The following FKRP variants were observed in gnomAD, a reference collection of about 807,000 sequenced individuals.
FKRP encodes the protein fukutin related protein.
A neutral mutation model predicts 30.6 loss-of-function variants in FKRP; 25 were observed. That is an observed-to-expected ratio of 0.82 (90% CI 0.60 to 1.14). FKRP has a LOEUF of 1.14. Ranked by LOEUF, FKRP falls within the 50% of genes most tolerant of loss-of-function variation. FKRP has a pLI of 0.00. For missense variants in FKRP, 771 were observed against 727.8 expected (o/e 1.06, Z -0.68); for synonymous variants, 358 against 342.5 (o/e 1.05, Z -0.50).
chr19:46,756,419 C>A lies in FKRP; in HGVS notation c.969C>A (p.Arg323=), dbSNP rs532054402. ...WTPPCCLRAL[R]ETARYVVGVL... ...CCCCCTGCTGCCTGCGCGCGCTGCGCGAGACCGCCCGCTATGTGGTGGGCG... is the reference window on the plus strand; with the variant it reads ...CCCCCTGCTGCCTGCGCGCGCTGCGAGAGACCGCCCGCTATGTGGTGGGCG... The change falls in exon 4 of 4, where the codon CGC becomes CGA. Residue 323 remains arginine (R), a synonymous_variant. Coordinates refer to ENST00000318584, the MANE Select transcript of FKRP (RefSeq NM_024301.5). The surrounding 1 kb of genome is among the most constrained non-coding windows in gnomAD (Gnocchi z 6.6). The A allele has an allele frequency of 2.5e-6, 4 of 1,577,266 alleles. No homozygotes were observed. In the Admixed American group the frequency reaches 5.6e-5, roughly 22 times the overall value.
At chr19:46,746,557 G>A (rs1482807402) in intron 1 of FKRP, 1 of 419,008 alleles carries the variant, frequency 2.4e-6, no homozygotes, top group Middle Eastern at 1.2e-3. Context: ...AGGAAGGGGG[G>A]CCGGCGGCGA....
At position 46,756,656 on chromosome 19, in the gene FKRP, T is replaced by C; in HGVS notation, c.1206T>C (p.Phe402=). The C allele has an allele frequency of 6.2e-7, 1 of 1,613,548 alleles. No individual in the cohort carries two copies. Among genetic ancestry groups the C allele is most frequent in the Non-Finnish European group, 8.5e-7 (1 of 1,179,856 alleles). ...FVWEKAVEGD[F]FRVQYSESNH... ...GGGAGAAGGCGGTCGAGGGCGACTT[T>C]TTCCGCGTGCAGTACAGCGAAAGCA... is the stretch of plus-strand genomic sequence containing the variant. The change falls in exon 4 of 4, where the codon TTT becomes TTC. Residue 402 remains phenylalanine, a synonymous_variant. Coordinates refer to ENST00000318584, the MANE Select transcript of FKRP (RefSeq NM_024301.5). The surrounding 1 kb of genome is among the most constrained non-coding windows in gnomAD (Gnocchi z 6.6).
In FKRP at chr19:46,758,573, A is replaced by G. The variant is rs2054970015; in HGVS notation, c.*1635A>G. ...GTGTGAGCACCCAGCATTCAAGACC[A>G]CGGGTTAAAAAAAAAAAAAAAAAGC... On this transcript the variant is annotated 3_prime_UTR_variant, in exon 4 of 4. Coordinates refer to ENST00000318584, the MANE Select transcript of FKRP (RefSeq NM_024301.5). 6.1e-6 allele frequency: 1 copy of G among 163,482 alleles called. No individual in the cohort carries two copies. 10.1% of individuals were successfully genotyped at this position (163,482 alleles called of 1,614,324 possible). A position where few individuals can be genotyped will look rare whatever the true frequency, so the allele number is the denominator to read the frequency against.
Position 46,757,142 on chromosome 19 carries a change from A to G in FKRP, c.*204A>G. On this transcript the variant is annotated 3_prime_UTR_variant, in exon 4 of 4. Coordinates refer to ENST00000318584, the MANE Select transcript of FKRP (RefSeq NM_024301.5). ...AGGATGGGAAGCGACCTCCAGATTT[A>G]TCAAATGGTCATGCCCACTGGGAGC... The G allele has an allele frequency of 1.4e-5, 10 of 698,824 alleles. No individual in the cohort carries two copies. In the South Asian group the frequency reaches 1.8e-4, roughly 12 times the overall value. The allele number at this position is 698,824 out of a possible 1,614,324, so 43.3% of individuals were successfully genotyped here.
Position 46,756,637 on chromosome 19 carries a change from A to C in FKRP, c.1187A>C (p.Lys396Thr), listed in dbSNP as rs2122633035. The C allele has an allele frequency of 6.2e-7, 1 of 1,613,298 alleles. No individual in the cohort carries two copies. Among genetic ancestry groups the C allele is most frequent in the Admixed American group, 1.7e-5 (1 of 59,894 alleles). The change falls in exon 4 of 4, where the codon AAG (lysine) becomes ACG (threonine). Residue 396 changes from lysine (K) to threonine (T), a missense_variant. Physicochemically the swap from Lys to Thr is moderately conservative, Grantham distance 78. Transcript: ENST00000318584. This position sits in a 1 kb window ranked among gnomAD's most constrained non-coding sequence, Gnocchi z 6.6. ...GATGAGCGCGGCTTCGTATGGGAGA[A>C]GGCGGTCGAGGGCGACTTTTTCCGC... The part of the protein sequence containing the change: ...VVDERGFVWE[K>T]AVEGDFFRVQ...
chr19:46,755,654 C>A lies in FKRP; in HGVS notation c.204C>A (p.Asp68Glu). The change falls in exon 4 of 4, where the codon GAC (aspartate) becomes GAA (glutamate). Residue 68 changes from aspartate to glutamate, a missense_variant. Transcript: ENST00000318584. ...ACAACGCGGTGCCCGAGCTGGTAGA[C>A]TCCTTCCTGCAGCAAGACCCAGCCC... ...AFDNAVPELV[D>E]SFLQQDPAQP... The A allele has an allele frequency of 6.3e-7, 1 of 1,597,476 alleles. No individual in the cohort carries two copies. The highest frequency in any genetic ancestry group is 2.2e-5 in the East Asian group (1 of 44,540).
intron 3 of FKRP, among the ~76,000 whole-genome samples, chr19:46,755,208 T>G (rs1420031770): frequency 2.0e-5 from 3 of 150,600 alleles, no homozygotes; most frequent in African/African-American, 7.3e-5. Context: ...AAAAAAAAAA[T>G]TCTGAGGACA....
At chr19:46,754,453 GC>G (rs766576604) in intron 3 of FKRP, 1 of 143,880 alleles carries the variant, frequency 7.0e-6, no homozygotes, top group Non-Finnish European at 1.5e-5. Context: ...GTGCAACGGT[GC>G]CATCTCGGCT....
rs1457334108 is a variant in FKRP, at chr19:46,746,395, G to GGCGGCGACC, written c.-253+312_-253+320dup. On this transcript the variant is annotated intron_variant, in intron 1 of 3. Transcript: ENST00000318584. ...CGAGCGGACGGCAGGAGGAGGCGGCGGCGGCGACCGCGGCGGCCGCTCGCT... is the reference window on the plus strand; with the variant it reads ...CGAGCGGACGGCAGGAGGAGGCGGCGGCGGCGACCGCGGCGACCGCGGCGGCCGCTCGCT... 11 of 1,074,912 alleles carry GGCGGCGACC rather than the reference G, an allele frequency of 1.0e-5. No individual in the cohort carries two copies. In the South Asian group the frequency reaches 2.6e-4, roughly 26 times the overall value. The allele number at this position is 1,074,912 out of a possible 1,614,324, so 66.6% of individuals were successfully genotyped here. A position where few individuals can be genotyped will look rare whatever the true frequency, so the allele number is the denominator to read the frequency against.
At position 46,755,302 on chromosome 19, in the gene FKRP, AAAAG is replaced by A; in HGVS notation, c.-39-105_-39-102del. The A allele has an allele frequency of 4.0e-6, 3 of 746,582 alleles. No homozygotes were observed. In the South Asian group the frequency reaches 5.9e-5, roughly 15 times the overall value. The allele number at this position is 746,582 out of a possible 1,614,324, so 46.2% of individuals were successfully genotyped here. On this transcript the variant is annotated intron_variant, in intron 3 of 3. Transcript: ENST00000318584. Reference sequence around the variant, plus strand: ...AAGTCAAAGCTGAAACCAAATAGGGAAAAGAAAGGGAATTGAGAAAGAGCTGTAG... The same window carrying A: ...AAGTCAAAGCTGAAACCAAATAGGGAAAAGGGAATTGAGAAAGAGCTGTAG...
At chr19:46,751,856 C>T (rs984380269) in intron 3 of FKRP, among the ~76,000 whole-genome samples, 3 of 152,160 alleles carry the variant, frequency 2.0e-5, no homozygotes, top group Non-Finnish European at 4.4e-5. Context: ...CATGAGCCAC[C>T]ATGCCCAGCC....
At chr19:46,751,060 C>CTT (rs750482929) in intron 3 of FKRP, among the ~76,000 whole-genome samples, 6 of 133,392 alleles carry the variant, frequency 4.5e-5, no homozygotes, top group Non-Finnish European at 6.5e-5. Flanking sequence ...ATGGGAGATG[C>CTT]TTTTTTTTTT....
At position 46,756,540 on chromosome 19, in the gene FKRP, G is replaced by A. The variant is rs1161958066; in HGVS notation, c.1090G>A (p.Asp364Asn). ...CATCATCCCATGGGACTACGACGTG[G>A]ACCTGGGCATCTACTTGGAGGACGT... Reference protein sequence around the residue: ...GDIIPWDYDVDLGIYLEDVGN... With the variant: ...GDIIPWDYDVNLGIYLEDVGN... Residue 364 changes from aspartate (D) to asparagine (N), a missense_variant, in exon 4 of 4, where the codon GAC (aspartate) becomes AAC (asparagine). Transcript: ENST00000318584. The surrounding 1 kb of genome is among the most constrained non-coding windows in gnomAD (Gnocchi z 6.6). 1 of 1,603,584 alleles carries A rather than the reference G, an allele frequency of 6.2e-7. No homozygotes were observed. Among genetic ancestry groups the A allele is most frequent in the African/African-American group, 1.3e-5 (1 of 74,884 alleles).
intron 3 of FKRP, among the ~76,000 whole-genome samples, chr19:46,752,781 C>A (rs1481931808): frequency 1.3e-5 from 2 of 152,044 alleles, no homozygotes; most frequent in East Asian, 3.9e-4. Context: ...AGGAGGATGG[C>A]TTGAACACAG....
Position 46,755,843 on chromosome 19 carries a change from T to C in FKRP, c.393T>C (p.Asp131=). 1.3e-6 allele frequency: 2 copies of C among 1,497,558 alleles called. No homozygotes were observed. Among genetic ancestry groups the C allele is most frequent in the East Asian group, 2.5e-5 (1 of 40,378 alleles). The allele number at this position is 1,497,558 out of a possible 1,614,324, so 92.8% of individuals were successfully genotyped here. The change falls in exon 4 of 4, where the codon GAT becomes GAC. Residue 131 remains aspartate (D), a synonymous_variant. Transcript: ENST00000318584. ...CCGAGTTTGTGGCCCTAGTACCTGA[T>C]GGGGCGCGGGCTGAGGCACCTGGCC... ...VATEFVALVP[D]GARAEAPGLL... is the part of the protein sequence containing the mutation.
Position 46,755,890 on chromosome 19 carries a change from C to T in FKRP, c.440C>T (p.Ala147Val). Residue 147 changes from alanine to valine, a missense_variant, in exon 4 of 4, where the codon GCG (alanine) becomes GTG (valine). Transcript: ENST00000318584. Reference protein sequence around the residue: ...APGLLERMVEALRAGSARLVA... With the variant: ...APGLLERMVEVLRAGSARLVA... ...GGCCTGCTGGAGCGCATGGTGGAGG[C>T]GCTCCGCGCAGGAAGCGCACGTCTG... 1 of 1,503,898 alleles carries T rather than the reference C, an allele frequency of 6.6e-7. No individual in the cohort carries two copies. The highest frequency in any genetic ancestry group is 8.8e-7 in the Non-Finnish European group (1 of 1,130,332). The allele number at this position is 1,503,898 out of a possible 1,614,324, so 93.2% of individuals were successfully genotyped here. A position where few individuals can be genotyped will look rare whatever the true frequency, so the allele number is the denominator to read the frequency against.
upstream of FKRP, chr19:46,745,782 C>T (rs969019390): frequency 6.0e-5 from 11 of 183,570 alleles, no homozygotes; most frequent in Non-Finnish European, 1.0e-4. Context: ...CTTAGCCTCC[C>T]CTCCAGGGCT....
At chr19:46,745,414 G>T (rs965914839), upstream of FKRP, among the ~76,000 whole-genome samples, 1 of 152,106 alleles carries the variant, frequency 6.6e-6, no homozygotes, top group African/African-American at 2.4e-5. Flanking sequence ...TTTCTCCTCA[G>T]AGGGGAAGGC....
At position 46,756,281 on chromosome 19, in the gene FKRP, G is replaced by GAGC. The variant is rs2054919683; in HGVS notation, c.832_834dup (p.Ser278dup). 2.0e-6 allele frequency: 3 copies of GAGC among 1,522,622 alleles called. No individual in the cohort carries two copies. Among genetic ancestry groups the GAGC allele is most frequent in the Non-Finnish European group, 2.6e-6 (3 of 1,138,834 alleles). The allele number at this position is 1,522,622 out of a possible 1,614,324, so 94.3% of individuals were successfully genotyped here. A position where few individuals can be genotyped will look rare whatever the true frequency, so the allele number is the denominator to read the frequency against. ...TCCGCGCGCTGGGCATCCGCCTAGT[G>GAGC]AGCTGGGAAGGCGGGCGGCTGGAGT... On this transcript the variant is annotated inframe_insertion, in exon 4 of 4. Coordinates refer to ENST00000318584, the MANE Select transcript of FKRP (RefSeq NM_024301.5). The surrounding 1 kb of genome is among the most constrained non-coding windows in gnomAD (Gnocchi z 6.6).
Sources: gnomAD v4.1 joint callset for allele counts (sites outside exome capture counted in the v4.1 genomes callset) on GRCh38, gnomAD v4.1.1 for gene constraint, Gnocchi (gnomAD v3.1) non-coding constraint, MANE v1.5 for transcripts, NCBI Gene and HGNC (gene_info 2026-07-23, HGNC 2026-07-21) for gene names.